EXOC1: variants seen among roughly 807,000 people sequenced by gnomAD.
The protein encoded by EXOC1 is SEC3-like 1.
A neutral mutation model predicts 107.7 loss-of-function variants in EXOC1; 67 were observed. The ratio of observed to expected loss-of-function variants is 0.62; its 90% confidence interval spans 0.51 to 0.76. EXOC1 has a LOEUF of 0.76. EXOC1 is among the 30% of genes least tolerant of loss of function. The pLI is 0.00. For synonymous variants in EXOC1, 348 were observed against 353.5 expected, an observed-to-expected ratio of 0.98 and a Z score of 0.17; for missense variants, 833 against 1,055.7, an observed-to-expected ratio of 0.79 and a Z score of 2.92.
At chr4:55,855,973 CT>C (rs1268296934) in intron 1 of EXOC1, among the ~76,000 whole-genome samples, 1 of 152,146 alleles carries the variant, frequency 6.6e-6, no homozygotes, top group Non-Finnish European at 1.5e-5. Context: ...CTTTTATATC[CT>C]CTGCAAGGTA....
chr4:55,858,213 T>C, intron 1 of EXOC1, 101 bp from the exon 2 acceptor site: 2 of 1,234,784 alleles, frequency 1.6e-6, no homozygotes, highest in Non-Finnish European at 2.2e-6. Context: ...TCATTTTTCC[T>C]AGGCTTGTTA....
chr4:55,868,205 T>C (rs1314208232), intron 4 of EXOC1, 131 bp from the exon 5 acceptor site: 1 of 535,932 alleles, frequency 1.9e-6, no homozygotes, highest in African/African-American at 2.0e-5. Flanking sequence ...TTCATATCAT[T>C]TGAATCATTC....
chr4:55,858,487 T>G (rs377526724), intron 2 of EXOC1, 40 bp downstream of exon 2: 165 of 1,515,422 alleles, frequency 1.1e-4, no homozygotes, highest in Admixed American at 1.8e-4. Flanking sequence ...TTTGTATCCT[T>G]TTATTATTTA....
chr4:55,874,688 A>C (rs768983560), intron 8 of EXOC1, among the ~76,000 whole-genome samples: 2 of 152,170 alleles, frequency 1.3e-5, no homozygotes, highest in African/African-American at 4.8e-5. Context: ...GTAATGTTAC[A>C]TAAAGAGTAG....
rs775956319 is a variant in EXOC1 at position 55,878,025 on chromosome 4, C to T, written c.1183C>T (p.Leu395=). ...CCGATATGCCAAGCTGATGGAGTGG[C>T]TAAAGAGTACAGATTATGGAAAATA... is the stretch of plus-strand genomic sequence containing the variant. ...LLRYAKLMEW[L]KSTDYGKYEG... Residue 395 remains leucine, a synonymous_variant, in exon 9 of 19, where the codon CTA becomes TTA. Coordinates refer to ENST00000381295, the MANE Select transcript of EXOC1 (RefSeq NM_001024924.2). 9.9e-6 allele frequency: 16 copies of T among 1,613,566 alleles called. No homozygotes were observed. The highest frequency in any genetic ancestry group is 1.4e-5 in the Non-Finnish European group (16 of 1,179,822).
At chr4:55,886,960 T>C (rs1005312285) in intron 10 of EXOC1, among the ~76,000 whole-genome samples, 5 of 152,204 alleles carry the variant, frequency 3.3e-5, no homozygotes, top group African/African-American at 1.2e-4. Context: ...AAGTAGCTTT[T>C]CTTTGTGATA....
intron 1 of EXOC1, 55 bp from the exon 2 acceptor site, chr4:55,858,259 A>G (rs1332929901): frequency 2.0e-6 from 3 of 1,493,628 alleles, no homozygotes; most frequent in East Asian, 2.4e-5. Context: ...ATTCAGAAGT[A>G]TAAGATGGAA....
At chr4:55,878,505 C>CTACCTAATAA (rs1375677450) in intron 9 of EXOC1, among the ~76,000 whole-genome samples, 4 of 152,124 alleles carry the variant, frequency 2.6e-5, no homozygotes, top group Admixed American at 6.5e-5. Flanking sequence ...TACTCTAATG[C>CTACCTAATAA]GCTTTAGATC....
At chr4:55,855,435 C>G (rs954251538) in intron 1 of EXOC1, among the ~76,000 whole-genome samples, 3 of 152,120 alleles carry the variant, frequency 2.0e-5, no homozygotes, top group Non-Finnish European at 4.4e-5. Flanking sequence ...AAAGGGGAAT[C>G]TTGGAGGAGC....
Position 55,860,411 on chromosome 4 carries a change from T to C in EXOC1, c.125T>C (p.Val42Ala). The C allele has an allele frequency of 6.2e-7, 1 of 1,613,600 alleles. No individual in the cohort carries two copies. The highest frequency in any genetic ancestry group is 2.2e-5 in the East Asian group (1 of 44,852). The change falls in exon 3 of 19, where the codon GTG (valine) becomes GCG (alanine). Residue 42 changes from valine to alanine, a missense_variant and splice_region_variant. Physicochemically the swap from Val to Ala is moderately conservative, Grantham distance 64. This residue lies in a region of EXOC1 where 617 missense variants were observed against 701.3 expected (regional missense o/e 0.88). Coordinates refer to ENST00000381295, the MANE Select transcript of EXOC1 (RefSeq NM_001024924.2). ...KKKNCFLCAT[V>A]TTERPVQVKV... ...TAAAAGTGTGCGTTTTACTCAACAGTGACAACTGAACGCCCTGTGCAGGTT... is the reference window on the plus strand; with the variant it reads ...TAAAAGTGTGCGTTTTACTCAACAGCGACAACTGAACGCCCTGTGCAGGTT...
At chr4:55,900,018 C>T (rs1298376416) in intron 17 of EXOC1, 134 bp downstream of exon 17, 2 of 617,588 alleles carry the variant, frequency 3.2e-6, no homozygotes, top group East Asian at 5.7e-5. Flanking sequence ...ATTGAAGCTG[C>T]CAGTGTGCCA....
At chr4:55,896,348 TG>T (rs1725201979) in intron 15 of EXOC1, among the ~76,000 whole-genome samples, 1 of 151,926 alleles carries the variant, frequency 6.6e-6, no homozygotes, top group Non-Finnish European at 1.5e-5. Context: ...GAGACGAAAA[TG>T]GCCAGGCTGG....
intron 9 of EXOC1, among the ~76,000 whole-genome samples, chr4:55,881,248 A>G (rs1364992211): frequency 6.6e-6 from 1 of 152,124 alleles, no homozygotes. Flanking sequence ...TCATACATGT[A>G]GGGTAGTTAG....
chr4:55,896,936 C>A (rs1725277189), intron 16 of EXOC1, 36 bp downstream of exon 16: 1 of 1,515,270 alleles, frequency 6.6e-7, no homozygotes. Flanking sequence ...ATTGTTATAG[C>A]TATTGTTTTT....
At position 55,902,408 on chromosome 4, in the gene EXOC1, A is replaced by G; in HGVS notation, c.2402A>G (p.Gln801Arg). The change falls in exon 18 of 19, where the codon CAA (glutamine) becomes CGA (arginine). Residue 801 changes from glutamine (Q) to arginine (R), a missense_variant. Gln to Arg is a conservative substitution (Grantham distance 43). Around this residue, in one of 2 missense-constraint regions of EXOC1, gnomAD observed 216 missense variants for 354.4 expected, o/e 0.61. Coordinates refer to ENST00000381295, the MANE Select transcript of EXOC1 (RefSeq NM_001024924.2). Reference sequence around the variant, plus strand: ...ATAAGGGAGGAGGAAGTAAGTTACCAACTTGCATTTAACAAACAAGAACTT... The same window carrying G: ...ATAAGGGAGGAGGAAGTAAGTTACCGACTTGCATTTAACAAACAAGAACTT... ...QGIREEEVSY[Q>R]LAFNKQELRK... 1 of 1,584,026 alleles carries G rather than the reference A, an allele frequency of 6.3e-7. No homozygotes were observed. The highest frequency in any genetic ancestry group is 8.6e-7 in the Non-Finnish European group (1 of 1,167,838).
At chr4:55,898,478 T>G (rs1464672858) in intron 16 of EXOC1, among the ~76,000 whole-genome samples, 1 of 143,552 alleles carries the variant, frequency 7.0e-6, no homozygotes, top group Non-Finnish European at 1.6e-5. Flanking sequence ...TTATTTAGCA[T>G]TGTTATTGAA....
At chr4:55,860,368 A>T (rs1306606763) in intron 2 of EXOC1, 43 bp from the exon 3 acceptor site, 3 of 1,606,960 alleles carry the variant, frequency 1.9e-6, no homozygotes, top group Non-Finnish European at 2.6e-6. Flanking sequence ...GAATGAGTGA[A>T]AGGGGTAATA....
intron 15 of EXOC1, among the ~76,000 whole-genome samples, chr4:55,895,147 A>G (rs1396978341): frequency 6.6e-6 from 1 of 152,150 alleles, no homozygotes; most frequent in African/African-American, 2.4e-5. Flanking sequence ...TATTTCAATA[A>G]TGTCTTATTT....
chr4:55,886,552 C>CA (rs1553878001), intron 10 of EXOC1, among the ~76,000 whole-genome samples: 3 of 117,748 alleles, frequency 2.5e-5, no homozygotes, highest in Admixed American at 8.6e-5. Flanking sequence ...GACCCTGTCT[C>CA]AAAAAACAAA....
Sources: allele counts gnomAD v4.1 joint callset (sites outside exome capture counted in the v4.1 genomes callset), GRCh38; gene constraint gnomAD v4.1.1; regional missense constraint gnomAD v4.1.1; transcripts MANE v1.5; gene names NCBI Gene and HGNC (gene_info 2026-07-23, HGNC 2026-07-21).